The following GRID2 variants were observed in gnomAD, a reference collection of about 807,000 sequenced individuals.
GRID2 encodes the protein glutamate receptor ionotropic, delta-2.
A neutral mutation model predicts 114.8 loss-of-function variants in GRID2; 33 were observed. That is an observed-to-expected ratio of 0.29 (90% CI 0.22 to 0.38). The LOEUF is 0.38. Ranked by LOEUF, GRID2 falls within the 10% of genes least tolerant of loss-of-function variation. The probability of loss-of-function intolerance (pLI) is 1.00; values close to 1 mark genes in which losing one functional copy is unlikely to be tolerated. For missense variants in GRID2, 1,184 were observed against 1,257.7 expected, an observed-to-expected ratio of 0.94 and a Z score of 0.89; for synonymous variants, 505 against 449.9, an observed-to-expected ratio of 1.12 and a Z score of -1.55.
At chr4:93,037,578 T>C (rs1359521194) in intron 2 of GRID2, among the ~76,000 whole-genome samples, 1 of 152,172 alleles carries the variant, frequency 6.6e-6, no homozygotes, top group Non-Finnish European at 1.5e-5. Flanking sequence ...TTTAGGTCTT[T>C]CGTTTAAGTC....
intron 2 of GRID2, among the ~76,000 whole-genome samples, chr4:92,836,852 A>G (rs1742496230): frequency 6.6e-6 from 1 of 152,158 alleles, no homozygotes; most frequent in African/African-American, 2.4e-5. Context: ...TAATGTAATA[A>G]TCTAATAGGT....
chr4:93,801,638 A>G (rs1348807717), intron 1 of GRID2, among the ~76,000 whole-genome samples: 1 of 152,212 alleles, frequency 6.6e-6, no homozygotes, highest in Non-Finnish European at 1.5e-5. Flanking sequence ...AATACTTACA[A>G]CAGCATTTCT....
chr4:92,959,056 T>A (rs1473560850), intron 2 of GRID2, among the ~76,000 whole-genome samples: 3 of 149,896 alleles, frequency 2.0e-5, no homozygotes. Context: ...AGTCCACTCT[T>A]CTTTTTTTTT....
At chr4:93,727,765 T>G (rs558783346) in intron 14 of GRID2, among the ~76,000 whole-genome samples, 2 of 152,244 alleles carry the variant, frequency 1.3e-5, no homozygotes, top group Non-Finnish European at 2.9e-5. Context: ...TTTTCTAGTT[T>G]ATTCACATAG....
At chr4:92,549,464 C>T (rs577307880) in intron 1 of GRID2, among the ~76,000 whole-genome samples, 4 of 152,196 alleles carry the variant, frequency 2.6e-5, no homozygotes, top group East Asian at 1.9e-4. Context: ...ATCACACACA[C>T]CTCCAACTAT....
intron 2 of GRID2, among the ~76,000 whole-genome samples, chr4:92,828,620 T>C (rs1741894436): frequency 3.3e-5 from 5 of 152,100 alleles, no homozygotes; most frequent in Admixed American, 1.3e-4. Context: ...TTTCTGACTT[T>C]TAACTAATTA....
intron 2 of GRID2, among the ~76,000 whole-genome samples, chr4:92,610,883 A>G (rs1044892152): frequency 1.3e-5 from 2 of 151,704 alleles, no homozygotes; most frequent in Non-Finnish European, 2.9e-5. Context: ...GCAAGTGACA[A>G]GATTTTTTTC....
intron 2 of GRID2, among the ~76,000 whole-genome samples, chr4:92,622,981 ACAT>A (rs969964028): frequency 6.6e-5 from 10 of 151,692 alleles, no homozygotes; most frequent in Non-Finnish European, 1.3e-4. Flanking sequence ...TCTTCCAAAA[ACAT>A]TTTGTTAGTT....
chr4:93,693,551 T>C (rs527247099), intron 14 of GRID2, among the ~76,000 whole-genome samples: 56 of 152,302 alleles, frequency 3.7e-4, no homozygotes, highest in African/African-American at 1.3e-3. Flanking sequence ...TTAGTCTAAG[T>C]AGTTTTTAGG....
intron 2 of GRID2, among the ~76,000 whole-genome samples, chr4:92,950,087 C>T (rs1425706391): frequency 2.0e-5 from 3 of 152,076 alleles, no homozygotes; most frequent in Non-Finnish European, 2.9e-5. Flanking sequence ...CTTTTGGATC[C>T]GTCCTGTTTT....
At chr4:93,449,868 T>A (rs982928609) in intron 10 of GRID2, among the ~76,000 whole-genome samples, 1 of 152,114 alleles carries the variant, frequency 6.6e-6, no homozygotes, top group African/African-American at 2.4e-5. Context: ...ACATAATGAA[T>A]GAGAAGTATA....
chr4:93,645,774 T>C (rs1722054681), intron 14 of GRID2, among the ~76,000 whole-genome samples: 1 of 152,214 alleles, frequency 6.6e-6, no homozygotes, highest in Non-Finnish European at 1.5e-5. Flanking sequence ...CCTGTACCAC[T>C]GATGTCACAT....
At chr4:93,263,751 T>G in intron 8 of GRID2, among the ~76,000 whole-genome samples, 1 of 152,062 alleles carries the variant, frequency 6.6e-6, no homozygotes, top group East Asian at 1.9e-4. Flanking sequence ...GAGTGGGTAA[T>G]TTGAAAAGAC....
chr4:93,456,735 A>G (rs1723238556), intron 11 of GRID2, among the ~76,000 whole-genome samples: 1 of 152,176 alleles, frequency 6.6e-6, no homozygotes, highest in Non-Finnish European at 1.5e-5. Context: ...TGTTTGCTAC[A>G]ATGGAGACAT....
At chr4:93,635,979 A>G (rs1721377247) in intron 14 of GRID2, among the ~76,000 whole-genome samples, 1 of 152,314 alleles carries the variant, frequency 6.6e-6, no homozygotes, top group East Asian at 1.9e-4. Context: ...AAACCTAGAC[A>G]TCAAACAGCA....
downstream of GRID2, among the ~76,000 whole-genome samples, chr4:93,778,091 T>C (rs1469934629): frequency 6.6e-6 from 1 of 152,202 alleles, no homozygotes; most frequent in Non-Finnish European, 1.5e-5. Flanking sequence ...TAAGAATTAG[T>C]TCTTCTGATA....
intron 8 of GRID2, among the ~76,000 whole-genome samples, chr4:93,355,515 A>T (rs531600192): frequency 6.6e-6 from 1 of 152,166 alleles, no homozygotes; most frequent in East Asian, 1.9e-4. Context: ...AAGAGGGAGG[A>T]AGTGGAAGAT....
At chr4:92,686,116 TTGCTTAAAGATTA>T in intron 2 of GRID2, among the ~76,000 whole-genome samples, 1 of 152,164 alleles carries the variant, frequency 6.6e-6, no homozygotes, top group Middle Eastern at 3.4e-3. Context: ...CCTTCATTCA[TTGCTTAAAGATTA>T]ACAGTAAGAT....
At chr4:92,644,112 G>C (rs191180254) in intron 2 of GRID2, among the ~76,000 whole-genome samples, 2 of 151,730 alleles carry the variant, frequency 1.3e-5, no homozygotes, top group East Asian at 3.9e-4. Flanking sequence ...TATAAAAAAA[G>C]GGTAGTGTTG....
Sources: gnomAD v4.1 joint callset for allele counts (sites outside exome capture counted in the v4.1 genomes callset) on GRCh38, gnomAD v4.1.1 for gene constraint, MANE v1.5 for transcripts, NCBI Gene and HGNC (gene_info 2026-07-23, HGNC 2026-07-21) for gene names.